Variants in RBM39 observed in about 807,000 individuals in gnomAD.
RBM39 encodes RNA binding motif protein 39.
In RBM39, 12 loss-of-function variants were observed where a neutral mutation model predicts 79.6. That is an observed-to-expected ratio of 0.15 (90% confidence interval 0.10 to 0.24). The LOEUF is 0.24. RBM39 is among the 10% of genes least tolerant of loss of function. The pLI is 1.00. For synonymous variants in RBM39, 185 were observed against 208.4 expected (o/e 0.89, Z 0.97); for missense variants, 243 against 653.4 (o/e 0.37, Z 6.85).
At chr20:35,729,575 C>G (rs752863984) in intron 4 of RBM39, 48 bp from the exon 5 acceptor site, 4 of 1,545,156 alleles carry the variant, frequency 2.6e-6, no homozygotes. Context: ...TAGGGTCTTG[C>G]TAAGATCGCA....
intron 12 of RBM39, among the ~76,000 whole-genome samples, chr20:35,710,766 G>A (rs2036301514): frequency 1.3e-5 from 2 of 152,136 alleles, no homozygotes; most frequent in Non-Finnish European, 2.9e-5. Context: ...CAGTTACACA[G>A]ATATTCACCT....
At chr20:35,727,650 A>T (rs796427685) in intron 6 of RBM39, among the ~76,000 whole-genome samples, 4,147 of 129,944 alleles carry the variant, frequency 0.032, 188 homozygotes, top group African/African-American at 0.11. Flanking sequence ...TAATTTTTGT[A>T]TTTTTTTTTT....
At chr20:35,722,458 C>CT (rs72430622) in intron 8 of RBM39, among the ~76,000 whole-genome samples, 2,003 of 116,408 alleles carry the variant, frequency 0.017, 63 homozygotes, top group African/African-American at 0.046. Context: ...TATTTAGAGG[C>CT]TTTTTTTTTT....
chr20:35,741,395 G>A (rs944195227), intron 1 of RBM39: 2 of 153,640 alleles, frequency 1.3e-5, no homozygotes, highest in African/African-American at 4.8e-5. Context: ...GAAAACTTAA[G>A]AAAAACCTCC....
At chr20:35,722,100 GTTACAGCTTC>G (rs2038012420) in intron 8 of RBM39, among the ~76,000 whole-genome samples, 1 of 152,082 alleles carries the variant, frequency 6.6e-6, no homozygotes, top group Non-Finnish European at 1.5e-5. Context: ...AAATTAGGGA[GTTACAGCTTC>G]AAGAGTACAG....
At chr20:35,740,476 C>T in intron 2 of RBM39, 1 of 1,150,654 alleles carries the variant, frequency 8.7e-7, no homozygotes, top group Non-Finnish European at 1.2e-6. Context: ...TTAGTTGAGT[C>T]ATTTTACCTA....
intron 3 of RBM39, among the ~76,000 whole-genome samples, chr20:35,733,909 T>C (rs2039641600): frequency 6.6e-6 from 1 of 152,226 alleles, no homozygotes; most frequent in Admixed American, 6.5e-5. Flanking sequence ...TTATAATCTA[T>C]ACCTCTGTGT....
chr20:35,718,826 A>AG (rs1043293813), intron 9 of RBM39, among the ~76,000 whole-genome samples: 8 of 150,782 alleles, frequency 5.3e-5, no homozygotes, highest in Admixed American at 1.3e-4. Flanking sequence ...AAAAAAAAAA[A>AG]AAAAAAAAAA....
At chr20:35,719,419 G>C (rs1056285400) in intron 9 of RBM39, among the ~76,000 whole-genome samples, 3 of 152,118 alleles carry the variant, frequency 2.0e-5, no homozygotes, top group African/African-American at 7.2e-5. Flanking sequence ...ACCTAAAATG[G>C]GTCTGGGCGC....
In RBM39 at chr20:35,703,693, G is replaced by A. The variant is rs780065632; in HGVS notation, c.*788C>T. On this transcript the variant is annotated 3_prime_UTR_variant, in exon 17 of 17. Transcript: ENST00000253363. Reference sequence around the variant, plus strand: ...GTCATTTGTTTGATAGAAATATCAAGCTGTCTTGTCAAACACACTGAAGTA... The same window carrying A: ...GTCATTTGTTTGATAGAAATATCAAACTGTCTTGTCAAACACACTGAAGTA... 6 of 152,618 alleles carry A rather than the reference G, an allele frequency of 3.9e-5. No homozygotes were observed. The highest frequency in any genetic ancestry group is 8.8e-5 in the Non-Finnish European group (6 of 68,024). 9.5% of individuals were successfully genotyped at this position (152,618 alleles called of 1,614,324 possible). A position where few individuals can be genotyped will look rare whatever the true frequency, so the allele number is the denominator to read the frequency against.
At chr20:35,721,328 C>A (rs2037914234) in intron 9 of RBM39, among the ~76,000 whole-genome samples, 1 of 152,122 alleles carries the variant, frequency 6.6e-6, no homozygotes, top group Non-Finnish European at 1.5e-5. Flanking sequence ...TATGATTTAA[C>A]AATTTTCCTT....
At chr20:35,740,951 C>CA in intron 1 of RBM39, 64 bp from the exon 2 acceptor site, 3 of 1,160,984 alleles carry the variant, frequency 2.6e-6, no homozygotes, top group Non-Finnish European at 3.8e-6. Flanking sequence ...ACAAGTTTCA[C>CA]TCTTGTTGCC....
intron 13 of RBM39, 118 bp from the exon 14 acceptor site, chr20:35,707,319 T>A (rs977888920): frequency 2.3e-5 from 12 of 517,092 alleles, no homozygotes; most frequent in Non-Finnish European, 4.0e-5. Context: ...GTCACTGGAG[T>A]TATTTTACCT....
intron 3 of RBM39, among the ~76,000 whole-genome samples, chr20:35,733,323 C>T (rs1269163001): frequency 1.5e-5 from 2 of 136,422 alleles, no homozygotes; most frequent in Non-Finnish European, 3.1e-5. Flanking sequence ...AAAAAAAACC[C>T]AACTCCAAGT....
At chr20:35,721,270 T>TA (rs1208301324) in intron 9 of RBM39, among the ~76,000 whole-genome samples, 2 of 152,200 alleles carry the variant, frequency 1.3e-5, no homozygotes, top group African/African-American at 4.8e-5. Flanking sequence ...AACTTTCTTT[T>TA]AAAAACAATC....
At chr20:35,716,902 T>A in intron 9 of RBM39, 97 bp from the exon 10 acceptor site, 1 of 744,326 alleles carries the variant, frequency 1.3e-6, no homozygotes, top group Non-Finnish European at 2.2e-6. Flanking sequence ...AGTCTCCTCA[T>A]CCTCCAAAAT....
chr20:35,728,035 C>T (rs961756281), intron 6 of RBM39, among the ~76,000 whole-genome samples: 6 of 152,164 alleles, frequency 3.9e-5, no homozygotes, highest in African/African-American at 1.4e-4. Context: ...GATCCACCCA[C>T]CTCAGTCTCC....
chr20:35,723,532 G>A (rs1299707032), intron 8 of RBM39, among the ~76,000 whole-genome samples: 2 of 152,156 alleles, frequency 1.3e-5, no homozygotes, highest in Non-Finnish European at 2.9e-5. Flanking sequence ...TCTGCCTCCT[G>A]GGTTTAAGCA....
intron 10 of RBM39, 48 bp downstream of exon 10, chr20:35,716,691 GT>G: frequency 1.7e-6 from 2 of 1,159,478 alleles, no homozygotes; most frequent in Non-Finnish European, 2.5e-6. Context: ...AGCAAATGTA[GT>G]TTAAAAAAAA....
Sources: gnomAD v4.1 joint callset for allele counts (sites outside exome capture counted in the v4.1 genomes callset) on GRCh38, gnomAD v4.1.1 for gene constraint, MANE v1.5 for transcripts, NCBI Gene and HGNC (gene_info 2026-07-23, HGNC 2026-07-21) for gene names.